Variants in SCGB2B2 observed in about 807,000 individuals in gnomAD.
SCGB2B2 encodes secretoglobin family 2B member 2.
Under a neutral mutation model 7.6 loss-of-function variants are expected in SCGB2B2, and 11 were observed. The observed-to-expected ratio is 1.45, with a 90% CI of 0.91 to 2.40. The LOEUF (loss-of-function observed/expected upper bound fraction) is 2.40. SCGB2B2 is among the 30% of genes most tolerant of loss of function. The probability of loss-of-function intolerance (pLI) is 0.00; values close to 1 mark genes in which losing one functional copy is unlikely to be tolerated. For missense variants in SCGB2B2, 104 were observed against 115.4 expected, an observed-to-expected ratio of 0.90 and a Z score of 0.45; for synonymous variants, 50 against 48.6, an observed-to-expected ratio of 1.03 and a Z score of -0.12.
chr19:34,670,211 C>T (rs901533187), intron 1 of SCGB2B2, among the ~76,000 whole-genome samples: 11 of 152,128 alleles, frequency 7.2e-5, no homozygotes, highest in African/African-American at 2.7e-4. Context: ...GGAGGACAGT[C>T]TCCAGAGCCA....
intron 1 of SCGB2B2, among the ~76,000 whole-genome samples, chr19:34,668,386 G>T (rs2067699553): frequency 6.6e-6 from 1 of 152,228 alleles, no homozygotes; most frequent in Non-Finnish European, 1.5e-5. Flanking sequence ...CTGCCTTCCG[G>T]CGGGGCAGGG....
At chr19:34,629,333 C>T (rs924687763) in intron 1 of SCGB2B2, among the ~76,000 whole-genome samples, 5 of 152,002 alleles carry the variant, frequency 3.3e-5, no homozygotes, top group African/African-American at 1.2e-4. Context: ...TCAAATTGCC[C>T]CTGTTTGCAG....
chr19:34,618,820 G>T (rs1427323788), intron 1 of SCGB2B2, among the ~76,000 whole-genome samples: 1 of 152,222 alleles, frequency 6.6e-6, no homozygotes, highest in Non-Finnish European at 1.5e-5. Flanking sequence ...GTATCAGATT[G>T]CAGATCTCAG....
chr19:34,593,880 TC>T (rs1339287555), intron 3 of SCGB2B2, among the ~76,000 whole-genome samples: 1 of 152,102 alleles, frequency 6.6e-6, no homozygotes, highest in African/African-American at 2.4e-5. Flanking sequence ...TGCTGTGTAC[TC>T]ATCATCAGTG....
At chr19:34,668,541 C>T (rs1383760920) in intron 1 of SCGB2B2, among the ~76,000 whole-genome samples, 3 of 152,198 alleles carry the variant, frequency 2.0e-5, no homozygotes, top group Admixed American at 1.3e-4. Flanking sequence ...GTGCACGGCG[C>T]GGGACTGGCA....
intron 1 of SCGB2B2, among the ~76,000 whole-genome samples, chr19:34,631,422 T>C (rs1002961818): frequency 4.6e-5 from 7 of 152,120 alleles, no homozygotes; most frequent in Non-Finnish European, 1.0e-4. Flanking sequence ...AGCCAAAAGA[T>C]TGGACACCTC....
rs1427482734 is a variant in SCGB2B2, at chr19:34,595,562, T to C, written c.-999A>G. 1.3e-5 allele frequency: 2 copies of C among 152,392 alleles called. No homozygotes were observed. Among genetic ancestry groups the C allele is most frequent in the Non-Finnish European group, 2.9e-5 (2 of 68,032 alleles). The allele number at this position is 152,392 out of a possible 1,614,324, so 9.4% of individuals were successfully genotyped here. ...GAAGTGTCTTTCTCCCTGAGCACAG[T>C]GTTTACAGAGAAGACAGCGGGTCTT... On this transcript the variant is annotated 5_prime_UTR_variant, in exon 2 of 4. Transcript: ENST00000601241.
intron 1 of SCGB2B2, among the ~76,000 whole-genome samples, chr19:34,613,760 C>T (rs2065997122): frequency 6.6e-6 from 1 of 152,130 alleles, no homozygotes; most frequent in Non-Finnish European, 1.5e-5. Context: ...TGATTATTAT[C>T]TTTTTGCCTC....
intron 1 of SCGB2B2, among the ~76,000 whole-genome samples, chr19:34,644,668 C>T (rs2066946305): frequency 6.6e-6 from 1 of 152,120 alleles, no homozygotes; most frequent in African/African-American, 2.4e-5. Context: ...TGGCTTATTT[C>T]ACTTCGTTTT....
At chr19:34,666,455 G>A (rs1199437301) in intron 1 of SCGB2B2, among the ~76,000 whole-genome samples, 1 of 151,902 alleles carries the variant, frequency 6.6e-6, no homozygotes, top group Admixed American at 6.6e-5. Flanking sequence ...GGCCACCTGC[G>A]GGTCCCAGTG....
intron 1 of SCGB2B2, among the ~76,000 whole-genome samples, chr19:34,662,564 A>G (rs931938968): frequency 6.6e-6 from 1 of 152,090 alleles, no homozygotes; most frequent in Non-Finnish European, 1.5e-5. Flanking sequence ...GATAAATTTA[A>G]TTATATTAAA....
At chr19:34,589,237 C>A (rs1365317311), downstream of SCGB2B2, among the ~76,000 whole-genome samples, 1 of 152,240 alleles carries the variant, frequency 6.6e-6, no homozygotes, top group Admixed American at 6.5e-5. Context: ...GGGAGGCTGA[C>A]TTCAGGCAGG....
intron 1 of SCGB2B2, among the ~76,000 whole-genome samples, chr19:34,658,342 T>C (rs1161345358): frequency 6.6e-6 from 1 of 151,924 alleles, no homozygotes. Flanking sequence ...ACAAAATAGA[T>C]AGACTGCTAG....
At chr19:34,611,157 C>A (rs1408566747) in intron 1 of SCGB2B2, among the ~76,000 whole-genome samples, 1 of 152,058 alleles carries the variant, frequency 6.6e-6, no homozygotes, top group Non-Finnish European at 1.5e-5. Flanking sequence ...TGTGTGATAT[C>A]AGTTGTGATG....
chr19:34,661,052 C>A (rs1006402594), intron 1 of SCGB2B2, among the ~76,000 whole-genome samples: 1 of 149,662 alleles, frequency 6.7e-6, no homozygotes, highest in African/African-American at 2.5e-5. Context: ...CATATTCTCA[C>A]TCATAGGTGG....
intron 1 of SCGB2B2, among the ~76,000 whole-genome samples, chr19:34,672,431 T>C (rs550264376): frequency 6.6e-6 from 1 of 152,360 alleles, no homozygotes; most frequent in African/African-American, 2.4e-5. Context: ...TGATTTGAGA[T>C]AGTTCTTTCT....
chr19:34,589,851 G>A (rs1235130139), downstream of SCGB2B2, among the ~76,000 whole-genome samples: 3 of 152,066 alleles, frequency 2.0e-5, no homozygotes, highest in Non-Finnish European at 2.9e-5. Context: ...AGGAGCCCCC[G>A]AGGGCTTTTC....
At chr19:34,641,525 A>G (rs1199064300) in intron 1 of SCGB2B2, among the ~76,000 whole-genome samples, 1 of 152,208 alleles carries the variant, frequency 6.6e-6, no homozygotes, top group African/African-American at 2.4e-5. Context: ...CCATATCTTG[A>G]GTCCTCGTGG....
chr19:34,607,312 G>A (rs556739044), intron 1 of SCGB2B2, among the ~76,000 whole-genome samples: 17 of 152,242 alleles, frequency 1.1e-4, no homozygotes, highest in Non-Finnish European at 2.1e-4. Context: ...CAGATAGATA[G>A]CTTTTGTGTG....
Sources: allele counts gnomAD v4.1 joint callset (sites outside exome capture counted in the v4.1 genomes callset), GRCh38; gene constraint gnomAD v4.1.1; transcripts MANE v1.5; gene names NCBI Gene and HGNC (gene_info 2026-07-23, HGNC 2026-07-21).